OTUD7A: variants seen among roughly 807,000 people sequenced by gnomAD.
OTUD7A encodes the protein OTU deubiquitinase 7A, also known as OTU domain-containing protein 7A.
Under a neutral mutation model 65.7 loss-of-function variants are expected in OTUD7A, and 12 were observed. The observed-to-expected ratio is 0.18, with a 90% CI of 0.12 to 0.30. The LOEUF is 0.30. Ranked by LOEUF, OTUD7A falls within the 10% of genes least tolerant of loss-of-function variation. OTUD7A has a pLI of 1.00. For synonymous variants in OTUD7A, 641 were observed against 586.3 expected (o/e 1.09, Z -1.35); for missense variants, 1,148 against 1,304.8 (o/e 0.88, Z 1.85).
rs570239732 is a variant in OTUD7A, at chr15:31,488,339, GCTCA to G, written c.1172-777_1172-774del. Among the ~76,000 whole-genome samples the G allele has an allele frequency of 2.4e-4, 37 of 152,280 alleles. No individual in the cohort carries two copies. In the South Asian group the frequency reaches 6.8e-3, roughly 28 times the overall value. ...AACTCACCACCCGTGGGAAATCCTG[GCTCA>G]CTCCAGAAGGGCTAGGGTGGAGGGG... is the stretch of plus-strand genomic sequence containing the variant. On this transcript the variant is annotated intron_variant, in intron 10 of 12. Transcript: ENST00000307050.
chr15:31,623,538 C>T (rs892691559), intron 3 of OTUD7A, among the ~76,000 whole-genome samples: 4 of 152,252 alleles, frequency 2.6e-5, no homozygotes, highest in African/African-American at 9.6e-5. Context: ...ATGAGCGAGG[C>T]TCCGTGGGCG....
intron 1 of OTUD7A, among the ~76,000 whole-genome samples, chr15:31,860,758 T>C (rs2141016346): frequency 6.9e-6 from 1 of 144,146 alleles, no homozygotes; most frequent in East Asian, 2.0e-4. Context: ...CAGGCTGGAG[T>C]GCAGTGGTGC....
chr15:31,500,825 T>C (rs1283876853), intron 10 of OTUD7A, among the ~76,000 whole-genome samples: 1 of 152,262 alleles, frequency 6.6e-6, no homozygotes, highest in African/African-American at 2.4e-5. Context: ...CTGAAATAGT[T>C]GGTCTTGCCT....
At chr15:31,485,035 G>A (rs2041217205) in intron 12 of OTUD7A, among the ~76,000 whole-genome samples, 2 of 152,188 alleles carry the variant, frequency 1.3e-5, no homozygotes, top group Non-Finnish European at 2.9e-5. Context: ...TTGGTACCCT[G>A]GAACCCTGAG....
chr15:31,854,824 A>C lies in OTUD7A; in HGVS notation c.-100+15683T>G, dbSNP rs186957423. On this transcript the variant is annotated intron_variant, in intron 1 of 12. Transcript: ENST00000307050. Reference sequence around the variant, plus strand: ...ACACTTTCCTAAAAAGGAAAAAAAAAAACAACAACAACAAAGAAGAGATCA... The same window carrying C: ...ACACTTTCCTAAAAAGGAAAAAAAACAACAACAACAACAAAGAAGAGATCA... Among the ~76,000 whole-genome samples, 810 of 152,230 alleles carry C rather than the reference A, an allele frequency of 5.3e-3. 10 individuals are homozygous for C. The highest frequency in any genetic ancestry group is 0.019 in the African/African-American group (769 of 41,544).
intron 5 of OTUD7A, among the ~76,000 whole-genome samples, chr15:31,547,845 T>G (rs921161105): frequency 6.6e-6 from 1 of 152,176 alleles, no homozygotes; most frequent in African/African-American, 2.4e-5. Context: ...CACAAAACAT[T>G]GGCTAGTCCA....
chr15:31,850,907 A>C (rs922422350), intron 1 of OTUD7A, among the ~76,000 whole-genome samples: 1 of 152,220 alleles, frequency 6.6e-6, no homozygotes, highest in Admixed American at 6.5e-5. Context: ...CAAAAGCAGC[A>C]GTAATTCCCC....
At chr15:31,597,091 G>GT (rs956053500) in intron 3 of OTUD7A, among the ~76,000 whole-genome samples, 4 of 131,640 alleles carry the variant, frequency 3.0e-5, no homozygotes, top group South Asian at 2.2e-4. Flanking sequence ...TACCTGGCTA[G>GT]TTTTTTTTCT....
At chr15:31,562,655 A>C (rs1888730002) in intron 4 of OTUD7A, among the ~76,000 whole-genome samples, 1 of 151,982 alleles carries the variant, frequency 6.6e-6, no homozygotes, top group Non-Finnish European at 1.5e-5. Flanking sequence ...GTGTCTTATG[A>C]CACCTGATTA....
At chr15:31,814,135 T>C (rs1328644072) in intron 1 of OTUD7A, among the ~76,000 whole-genome samples, 6 of 152,248 alleles carry the variant, frequency 3.9e-5, no homozygotes, top group Non-Finnish European at 7.3e-5. Flanking sequence ...TTATGCACTA[T>C]AATCAGCCAA....
intron 1 of OTUD7A, among the ~76,000 whole-genome samples, chr15:31,667,297 T>C (rs1892348157): frequency 6.6e-6 from 1 of 152,182 alleles, no homozygotes; most frequent in Non-Finnish European, 1.5e-5. Context: ...TTGTATAAAC[T>C]TGGGAGCTCC....
chr15:31,680,646 C>T lies in OTUD7A; in HGVS notation c.-99-23569G>A, dbSNP rs192705883. On this transcript the variant is annotated intron_variant, in intron 1 of 12. Coordinates refer to ENST00000307050, the MANE Select transcript of OTUD7A (RefSeq NM_001382637.1). ...TTTAAGGCCTCCCAAACTCTTTGTC[C>T]CCTGCTCACATAATAAACCATACTT... Among the ~76,000 whole-genome samples the T allele has an allele frequency of 2.6e-5, 4 of 152,166 alleles. No individual in the cohort carries two copies. The East Asian group carries it at 7.7e-4, about 29-fold the overall frequency.
intron 1 of OTUD7A, among the ~76,000 whole-genome samples, chr15:31,755,786 C>A (rs1286374226): frequency 6.6e-6 from 1 of 152,122 alleles, no homozygotes; most frequent in Non-Finnish European, 1.5e-5. Context: ...GGTGTTTTCA[C>A]TGAAATGCTT....
intron 3 of OTUD7A, among the ~76,000 whole-genome samples, chr15:31,602,013 T>C (rs913985850): frequency 1.6e-4 from 25 of 152,190 alleles, no homozygotes; most frequent in African/African-American, 5.3e-4. Flanking sequence ...ACAGCCGAAT[T>C]CTACCAAAGG....
At position 31,484,024 on chromosome 15, in the gene OTUD7A, GCGGCAGCGGCGGCCGCAGTAGCGGCGT is replaced by G. The variant is rs923794949; in HGVS notation, c.2045_2071del (p.Asp682_Ala690del). Reference sequence around the variant, plus strand: ...CTTGGCCGTGGCGGCGGCGGCGGCGGCGGCAGCGGCGGCCGCAGTAGCGGCGTCGCGGCGCCGCTGCTCCTGCTCGGC... The same window carrying G: ...CTTGGCCGTGGCGGCGGCGGCGGCGGCGCGGCGCCGCTGCTCCTGCTCGGC... On this transcript the variant is annotated inframe_deletion, in exon 13 of 13. Transcript: ENST00000307050. The surrounding 1 kb of genome is among the most constrained non-coding windows in gnomAD (Gnocchi z 4.5). 37 of 1,230,462 alleles carry G rather than the reference GCGGCAGCGGCGGCCGCAGTAGCGGCGT, an allele frequency of 3.0e-5. No individual in the cohort carries two copies. Among genetic ancestry groups the G allele is most frequent in the Non-Finnish European group, 3.5e-5 (35 of 989,600 alleles). 76.2% of individuals were successfully genotyped at this position (1,230,462 alleles called of 1,614,324 possible).
At chr15:31,624,593 G>A (rs1890895305) in intron 3 of OTUD7A, among the ~76,000 whole-genome samples, 1 of 152,138 alleles carries the variant, frequency 6.6e-6, no homozygotes, top group African/African-American at 2.4e-5. Context: ...CATTTTGTAT[G>A]GAAATATTCA....
At chr15:31,777,913 G>A (rs887767769) in intron 1 of OTUD7A, among the ~76,000 whole-genome samples, 2 of 152,190 alleles carry the variant, frequency 1.3e-5, no homozygotes, top group African/African-American at 2.4e-5. Flanking sequence ...AGTGGCAGAG[G>A]GCAGTGAGGG....
chr15:31,782,545 A>G (rs1895567916), intron 1 of OTUD7A, among the ~76,000 whole-genome samples: 1 of 152,194 alleles, frequency 6.6e-6, no homozygotes, highest in African/African-American at 2.4e-5. Context: ...GAGCAGGGAC[A>G]GCCACACCCA....
chr15:31,739,280 A>G (rs1894274720), intron 1 of OTUD7A, among the ~76,000 whole-genome samples: 1 of 152,224 alleles, frequency 6.6e-6, no homozygotes, highest in African/African-American at 2.4e-5. Context: ...CATGTCTACT[A>G]GTCGCCTGAT....
Sources: gnomAD v4.1 joint callset for allele counts (sites outside exome capture counted in the v4.1 genomes callset) on GRCh38, gnomAD v4.1.1 for gene constraint, Gnocchi (gnomAD v3.1) non-coding constraint, MANE v1.5 for transcripts, NCBI Gene and HGNC (gene_info 2026-07-23, HGNC 2026-07-21) for gene names.